The following CCDC40 variants were observed in gnomAD, a reference collection of about 807,000 sequenced individuals.
The protein encoded by CCDC40 is coiled-coil domain-containing protein 40.
In CCDC40, 104 loss-of-function variants were observed where a neutral mutation model predicts 124.5. The ratio of observed to expected loss-of-function variants is 0.84; its 90% CI spans 0.71 to 0.98. CCDC40 has a LOEUF of 0.98. Ranked by LOEUF, CCDC40 falls within the 50% of genes least tolerant of loss-of-function variation. The pLI, the probability that CCDC40 is intolerant of heterozygous loss-of-function variation, is 0.00. For synonymous variants in CCDC40, 580 were observed against 602.9 expected (o/e 0.96, Z 0.56); for missense variants, 1,463 against 1,503.9 (o/e 0.97, Z 0.45).
chr17:80,097,474 C>A, intron 19 of CCDC40, 71 bp downstream of exon 19: 1 of 1,544,368 alleles, frequency 6.5e-7, no homozygotes, highest in African/African-American at 1.4e-5. Context: ...GGTCCTGCGT[C>A]CCCTCTGTGC....
At chr17:80,078,928 G>A (rs1322543868) in intron 10 of CCDC40, among the ~76,000 whole-genome samples, 1 of 146,482 alleles carries the variant, frequency 6.8e-6, no homozygotes, top group Non-Finnish European at 1.5e-5. Flanking sequence ...TCCAGTATCA[G>A]TATCTTTTTT....
rs2038664790 is a variant in CCDC40, at chr17:80,089,828, T to C, written c.2776T>C (p.Ser926Pro). The C allele has an allele frequency of 6.2e-7, 1 of 1,614,140 alleles. No homozygotes were observed. Among genetic ancestry groups the C allele is most frequent in the South Asian group, 1.1e-5 (1 of 91,092 alleles). ...AAAAGAGATGCGTTCCTCAGTGGAT[T>C]CCGAGATCGGCCAGACGGAGATCCG... is the stretch of plus-strand genomic sequence containing the variant. Reference protein sequence around the residue: ...LAKEMRSSVDSEIGQTEIRAM... With the variant: ...LAKEMRSSVDPEIGQTEIRAM... The change falls in exon 17 of 20, where the codon TCC (serine) becomes CCC (proline). Residue 926 changes from serine to proline, a missense_variant. By Grantham distance (74) the Ser-to-Pro change is moderately conservative. Coordinates refer to ENST00000397545, the MANE Select transcript of CCDC40 (RefSeq NM_017950.4).
intron 2 of CCDC40, 72 bp downstream of exon 2, chr17:80,038,258 C>G (rs2037180850): frequency 2.9e-6 from 3 of 1,035,354 alleles, no homozygotes; most frequent in Admixed American, 3.7e-5. Flanking sequence ...AGTACGGGCA[C>G]TGTGGCTCAC....
In CCDC40 at chr17:80,100,019, A is replaced by G. The variant is rs1268320035; in HGVS notation, c.*244A>G. The G allele has an allele frequency of 5.5e-6, 3 of 545,872 alleles. No homozygotes were observed. The highest frequency in any genetic ancestry group is 6.6e-6 in the Non-Finnish European group (2 of 303,618). 33.8% of individuals were successfully genotyped at this position (545,872 alleles called of 1,614,324 possible). On this transcript the variant is annotated 3_prime_UTR_variant, in exon 20 of 20. Transcript: ENST00000397545. ...TCGCAAAGACAGAGCCTGTGACTGC[A>G]GACCCACACACCCACACTCCCACAC...
intron 10 of CCDC40, among the ~76,000 whole-genome samples, chr17:80,077,303 T>C (rs2038332670): frequency 6.6e-6 from 1 of 152,082 alleles, no homozygotes. Context: ...GGCGGATCAC[T>C]TGAGCTCAAG....
intron 17 of CCDC40, chr17:80,090,528 T>C: frequency 6.6e-7 from 1 of 1,522,278 alleles, no homozygotes; most frequent in East Asian, 2.5e-5. Flanking sequence ...TCCTACTCCA[T>C]GTAATCACAG....
At chr17:80,070,920 G>A (rs2038170581) in intron 10 of CCDC40, among the ~76,000 whole-genome samples, 1 of 152,154 alleles carries the variant, frequency 6.6e-6, no homozygotes, top group African/African-American at 2.4e-5. Flanking sequence ...CCTGCCTGTG[G>A]GAGCTGGACA....
intron 10 of CCDC40, among the ~76,000 whole-genome samples, chr17:80,075,563 C>T (rs188033896): frequency 8.5e-5 from 13 of 152,240 alleles, no homozygotes; most frequent in African/African-American, 1.9e-4. Context: ...CTCCATCTGC[C>T]GCCCGCCCCG....
chr17:80,072,301 T>C (rs903342445), intron 10 of CCDC40, among the ~76,000 whole-genome samples: 6 of 152,178 alleles, frequency 3.9e-5, no homozygotes, highest in African/African-American at 1.4e-4. Flanking sequence ...GGATAAGTGA[T>C]TGCGTTACAG....
intron 17 of CCDC40, chr17:80,090,647 A>G: frequency 3.5e-6 from 5 of 1,441,570 alleles, no homozygotes; most frequent in Non-Finnish European, 4.5e-6. Context: ...GAGCACCCCC[A>G]TCTCATCCTT....
intron 10 of CCDC40, among the ~76,000 whole-genome samples, chr17:80,079,794 G>C (rs1010959899): frequency 1.4e-5 from 2 of 146,990 alleles, no homozygotes; most frequent in Admixed American, 6.9e-5. Context: ...AGGCAGGCAT[G>C]GTGGCACACG....
intron 19 of CCDC40, among the ~76,000 whole-genome samples, chr17:80,098,330 A>G (rs1041916564): frequency 2.6e-5 from 4 of 152,166 alleles, no homozygotes; most frequent in African/African-American, 9.6e-5. Context: ...CACACAGAGG[A>G]GGGCGTTGGG....
chr17:80,065,475 T>C lies in CCDC40; in HGVS notation c.1441-10T>C, dbSNP rs1449128549. ...ACAGCCATTCCTGCCCCCTCCCCTG[T>C]TGGCTGCAGGCCTGCACCGAGATCG... On this transcript the variant is annotated splice_polypyrimidine_tract_variant and intron_variant, in intron 9 of 19. Transcript: ENST00000397545. The C allele has an allele frequency of 1.2e-6, 2 of 1,612,896 alleles. No individual in the cohort carries two copies. Among genetic ancestry groups the C allele is most frequent in the Admixed American group, 1.7e-5 (1 of 59,986 alleles).
intron 7 of CCDC40, among the ~76,000 whole-genome samples, chr17:80,055,234 A>G (rs1214386493): frequency 6.6e-6 from 1 of 152,190 alleles, no homozygotes; most frequent in Non-Finnish European, 1.5e-5. Context: ...CCAGCAACGC[A>G]AAGAAAACAA....
intron 3 of CCDC40, 183 bp downstream of exon 3, chr17:80,040,453 T>C (rs2037248974): frequency 4.7e-6 from 3 of 641,992 alleles, no homozygotes; most frequent in Non-Finnish European, 8.1e-6. Flanking sequence ...CGAAGGTGGG[T>C]GGGTCACCTG....
rs141125796 is a variant in CCDC40, at chr17:80,097,579, T to C, written c.3180+176T>C. The C allele has an allele frequency of 2.3e-4, 146 of 639,558 alleles. No homozygotes were observed. In the East Asian group the frequency reaches 4.0e-3, roughly 18 times the overall value. 39.6% of individuals were successfully genotyped at this position (639,558 alleles called of 1,614,324 possible). On this transcript the variant is annotated intron_variant, in intron 19 of 19. Coordinates refer to ENST00000397545, the MANE Select transcript of CCDC40 (RefSeq NM_017950.4). ...CTCACATGTTTGTGGCTTTGTGATT[T>C]GTTCCACTGACAAATGTTGATGGAG... is the stretch of plus-strand genomic sequence containing the variant.
intron 12 of CCDC40, among the ~76,000 whole-genome samples, chr17:80,083,966 G>A (rs1309250833): frequency 6.6e-6 from 1 of 152,190 alleles, no homozygotes; most frequent in South Asian, 2.1e-4. Context: ...CAGTGTGTAG[G>A]GTGTGATCCT....
chr17:80,076,900 G>A (rs1318705154), intron 10 of CCDC40, among the ~76,000 whole-genome samples: 3 of 151,650 alleles, frequency 2.0e-5, no homozygotes, highest in Admixed American at 6.6e-5. Flanking sequence ...TGCCCACCAC[G>A]ACACCTGGTA....
At chr17:80,040,451 G>C (rs370744670) in intron 3 of CCDC40, 181 bp downstream of exon 3, 4 of 653,706 alleles carry the variant, frequency 6.1e-6, no homozygotes, top group Admixed American at 5.3e-5. Context: ...GGCGAAGGTG[G>C]GTGGGTCACC....
Sources: gnomAD v4.1 joint callset for allele counts (sites outside exome capture counted in the v4.1 genomes callset) on GRCh38, gnomAD v4.1.1 for gene constraint, MANE v1.5 for transcripts, NCBI Gene and HGNC (gene_info 2026-07-23, HGNC 2026-07-21) for gene names.